MOB3B: variants seen among roughly 807,000 people sequenced by gnomAD.
MOB3B encodes MOB kinase activator 3B.
Under a neutral mutation model 18.7 loss-of-function variants are expected in MOB3B, and 7 were observed. That is an observed-to-expected ratio of 0.37 (90% confidence interval 0.21 to 0.70). The LOEUF (loss-of-function observed/expected upper bound fraction) is 0.70, where lower values mean the gene tolerates loss of function less well. Among genes scored for constraint, MOB3B ranks in the 30% least tolerant of loss-of-function variants. The pLI is 0.52. For missense variants in MOB3B, 253 were observed against 281.3 expected, an observed-to-expected ratio of 0.90 and a Z score of 0.72; for synonymous variants, 111 against 99.9, an observed-to-expected ratio of 1.11 and a Z score of -0.66.
intron 3 of MOB3B, among the ~76,000 whole-genome samples, chr9:27,343,934 C>G (rs1202995742): frequency 6.7e-6 from 1 of 148,534 alleles, no homozygotes; most frequent in Non-Finnish European, 1.5e-5. Flanking sequence ...GAAACAACAA[C>G]AAAAACAAAA....
intron 2 of MOB3B, among the ~76,000 whole-genome samples, chr9:27,398,050 T>C (rs1456928355): frequency 3.3e-5 from 5 of 152,238 alleles, no homozygotes; most frequent in South Asian, 2.1e-4. Flanking sequence ...GATAAATTTA[T>C]GGCATGCCTT....
chr9:27,378,360 C>G (rs1014028973), intron 2 of MOB3B: 1 of 471,568 alleles, frequency 2.1e-6, no homozygotes, highest in Non-Finnish European at 4.4e-6. Flanking sequence ...TGCTGCTCAC[C>G]TACTCTCCAG....
intron 1 of MOB3B, among the ~76,000 whole-genome samples, chr9:27,484,927 A>G (rs1473393525): frequency 3.3e-5 from 5 of 152,204 alleles, no homozygotes; most frequent in Non-Finnish European, 5.9e-5. Flanking sequence ...TACAGTGACC[A>G]TTATACCTCA....
intron 2 of MOB3B, among the ~76,000 whole-genome samples, chr9:27,375,615 C>T (rs886576236): frequency 6.6e-6 from 1 of 152,116 alleles, no homozygotes; most frequent in African/African-American, 2.4e-5. Context: ...AGTGTGTACT[C>T]GCTAGAGGAG....
chr9:27,422,476 C>G (rs1822269678), intron 2 of MOB3B, among the ~76,000 whole-genome samples: 1 of 152,136 alleles, frequency 6.6e-6, no homozygotes, highest in Non-Finnish European at 1.5e-5. Flanking sequence ...TTTCTAGACA[C>G]CCTATGGAAG....
chr9:27,487,132 A>AAAATAAATAAATAAATAAATAAAT (rs56371907), intron 1 of MOB3B, among the ~76,000 whole-genome samples: 4,776 of 145,160 alleles, frequency 0.033, 179 homozygotes, highest in African/African-American at 0.081. Context: ...TTCTGTCTCA[A>AAAATAAATAAATAAATAAATAAAT]AAATAAATAA....
chr9:27,363,490 G>C (rs541554925), intron 2 of MOB3B, among the ~76,000 whole-genome samples: 79 of 151,202 alleles, frequency 5.2e-4, no homozygotes, highest in African/African-American at 1.8e-3. Context: ...GGATGGTCTC[G>C]ATCTCCTGAC....
At chr9:27,354,717 A>C (rs1821159884) in intron 3 of MOB3B, among the ~76,000 whole-genome samples, 1 of 152,366 alleles carries the variant, frequency 6.6e-6, no homozygotes, top group South Asian at 2.1e-4. Flanking sequence ...AACCCTAAGC[A>C]ATGCAGGAAT....
chr9:27,426,921 G>A (rs1822343518), intron 2 of MOB3B, among the ~76,000 whole-genome samples: 2 of 152,340 alleles, frequency 1.3e-5, no homozygotes, highest in Non-Finnish European at 2.9e-5. Context: ...TAGGCGGGAT[G>A]CTTGATTTTT....
At position 27,326,296 on chromosome 9, in the gene MOB3B, C is replaced by A. The variant is rs1324718463; in HGVS notation, c.*4291G>T. 2 of 394,494 alleles carry A rather than the reference C, an allele frequency of 5.1e-6. No individual in the cohort carries two copies. The highest frequency in any genetic ancestry group is 2.1e-5 in the African/African-American group (1 of 48,510). The allele number at this position is 394,494 out of a possible 1,614,324, so 24.4% of individuals were successfully genotyped here. A position where few individuals can be genotyped will look rare whatever the true frequency, so the allele number is the denominator to read the frequency against. On this transcript the variant is annotated 3_prime_UTR_variant, in exon 4 of 4. Coordinates refer to ENST00000262244, the MANE Select transcript of MOB3B (RefSeq NM_024761.5). ...AGCAACAAGACTCCGTAGAGGATGC[C>A]ACCCTGGGAGAATTGCAAGGGAAAG...
In MOB3B at chr9:27,455,500, G is replaced by A; in HGVS notation, c.51C>T (p.Pro17=). 1.2e-6 allele frequency: 2 copies of A among 1,614,116 alleles called. No individual in the cohort carries two copies. The highest frequency in any genetic ancestry group is 1.7e-6 in the Non-Finnish European group (2 of 1,180,014). ...GTGTGCCAGGTTCAAATTTCCTCTTGGGTCGGAAGGTCTTGTCCTTGTTGA... is the reference window on the plus strand; with the variant it reads ...GTGTGCCAGGTTCAAATTTCCTCTTAGGTCGGAAGGTCTTGTCCTTGTTGA... ...QVFNKDKTFR[P]KRKFEPGTQR... Residue 17 remains proline (P), a synonymous_variant, in exon 2 of 4, where the codon CCC becomes CCT. Transcript: ENST00000262244.
intron 1 of MOB3B, among the ~76,000 whole-genome samples, chr9:27,516,552 G>C (rs889152291): frequency 6.6e-6 from 1 of 152,184 alleles, no homozygotes; most frequent in Non-Finnish European, 1.5e-5. Context: ...CTGGATTACA[G>C]TGTTATGTTC....
chr9:27,493,558 G>A (rs574594860), intron 1 of MOB3B, among the ~76,000 whole-genome samples: 50 of 152,118 alleles, frequency 3.3e-4, no homozygotes, highest in East Asian at 2.9e-3. Context: ...GGAGAATGGC[G>A]TGAACCTGGG....
chr9:27,347,794 A>G (rs906488624), intron 3 of MOB3B, among the ~76,000 whole-genome samples: 3 of 152,162 alleles, frequency 2.0e-5, no homozygotes, highest in Non-Finnish European at 2.9e-5. Context: ...ACTTACCATT[A>G]TGTTACAGTT....
At chr9:27,484,980 A>C (rs929673605) in intron 1 of MOB3B, among the ~76,000 whole-genome samples, 1 of 152,122 alleles carries the variant, frequency 6.6e-6, no homozygotes, top group Admixed American at 6.6e-5. Flanking sequence ...CTGACAACAC[A>C]TGAACCACCC....
chr9:27,337,601 G>T (rs1189776432), intron 3 of MOB3B, among the ~76,000 whole-genome samples: 1 of 152,192 alleles, frequency 6.6e-6, no homozygotes, highest in East Asian at 1.9e-4. Context: ...CTCTGGACTG[G>T]GTAGTTTTCT....
At chr9:27,396,300 C>T (rs1821797342) in intron 2 of MOB3B, among the ~76,000 whole-genome samples, 1 of 151,974 alleles carries the variant, frequency 6.6e-6, no homozygotes, top group African/African-American at 2.4e-5. Context: ...CAGTCCTTTT[C>T]CCCCTTCTCT....
intron 2 of MOB3B, among the ~76,000 whole-genome samples, chr9:27,396,336 A>G (rs1334401626): frequency 6.6e-6 from 1 of 151,938 alleles, no homozygotes; most frequent in African/African-American, 2.4e-5. Context: ...CCCTGGGGGA[A>G]CTGCTCCCTC....
At chr9:27,386,780 G>T (rs921511414) in intron 2 of MOB3B, among the ~76,000 whole-genome samples, 1 of 152,186 alleles carries the variant, frequency 6.6e-6, no homozygotes, top group Non-Finnish European at 1.5e-5. Flanking sequence ...CAGGGGCCAA[G>T]GCAGCAATCA....
Sources: gnomAD v4.1 joint callset for allele counts (sites outside exome capture counted in the v4.1 genomes callset) on GRCh38, gnomAD v4.1.1 for gene constraint, MANE v1.5 for transcripts, NCBI Gene and HGNC (gene_info 2026-07-23, HGNC 2026-07-21) for gene names.